Variants in GSDMC observed in about 807,000 individuals in gnomAD.
GSDMC encodes gasdermin-C.
In GSDMC, 59 loss-of-function variants were observed where a neutral mutation model predicts 58.0. The ratio of observed to expected loss-of-function variants is 1.02; its 90% confidence interval spans 0.82 to 1.26. The LOEUF is 1.26. GSDMC is among the 50% of genes most tolerant of loss of function. The pLI, the probability that GSDMC is intolerant of heterozygous loss-of-function variation, is 0.00. For synonymous variants in GSDMC, 241 were observed against 220.2 expected, an observed-to-expected ratio of 1.09 and a Z score of -0.83; for missense variants, 659 against 598.5, an observed-to-expected ratio of 1.10 and a Z score of -1.06.
intron 1 of GSDMC, among the ~76,000 whole-genome samples, chr8:129,783,024 T>G (rs1397950285): frequency 6.6e-6 from 1 of 152,126 alleles, no homozygotes; most frequent in Non-Finnish European, 1.5e-5. Flanking sequence ...CAAGTGGGAT[T>G]TATCCCAGGG....
intron 6 of GSDMC, among the ~76,000 whole-genome samples, chr8:129,755,835 G>A (rs1284071000): frequency 1.3e-5 from 2 of 151,198 alleles, no homozygotes; most frequent in Non-Finnish European, 2.9e-5. Flanking sequence ...GTATTTGTAA[G>A]TCTTACAGTA....
chr8:129,723,119 T>G, the GSDMC span: 1 of 152,268 alleles, frequency 6.6e-6, no homozygotes, highest in Non-Finnish European at 1.5e-5. Flanking sequence ...ACTACCATCG[T>G]GCATGCACAT....
chr8:129,709,220 G>A, the GSDMC span, among the ~76,000 whole-genome samples: 1 of 150,428 alleles, frequency 6.6e-6, no homozygotes, highest in Non-Finnish European at 1.5e-5. Flanking sequence ...GGAGCAATTG[G>A]TTACATTCAG....
the GSDMC span, chr8:129,722,957 A>G: frequency 6.6e-6 from 1 of 152,212 alleles, no homozygotes; most frequent in African/African-American, 2.4e-5. Context: ...AATGTTCACA[A>G]ACAAGAGGGA....
the GSDMC span, among the ~76,000 whole-genome samples, chr8:129,717,250 C>CTTTTTTTTTTTTTTTTTTTTTTT: frequency 8.7e-6 from 1 of 114,686 alleles, no homozygotes; most frequent in Non-Finnish European, 1.7e-5. Flanking sequence ...TGGTCCTGGG[C>CTTTTTTTTTTTTTTTTTTTTTTT]TTTTTTTTTT....
At chr8:129,749,869 T>G in intron 12 of GSDMC, 121 bp downstream of exon 12, 1 of 759,914 alleles carries the variant, frequency 1.3e-6, no homozygotes, top group Non-Finnish European at 2.1e-6. Context: ...AGAGCTGTGA[T>G]GTAAGGACGA....
the GSDMC span, among the ~76,000 whole-genome samples, chr8:129,715,896 A>G: frequency 6.6e-6 from 1 of 152,200 alleles, no homozygotes; most frequent in Non-Finnish European, 1.5e-5. Flanking sequence ...ATATGTCAAA[A>G]ATATCATAAG....
chr8:129,720,957 A>T, the GSDMC span, among the ~76,000 whole-genome samples: 18 of 152,368 alleles, frequency 1.2e-4, no homozygotes, highest in Admixed American at 7.8e-4. Flanking sequence ...ATGGACAGGC[A>T]GAGAAGATGG....
In GSDMC at chr8:129,777,611, G is replaced by C; in HGVS notation, c.-4-20C>G. 1 of 1,298,482 alleles carries C rather than the reference G, an allele frequency of 7.7e-7. No homozygotes were observed. Among genetic ancestry groups the C allele is most frequent in the Non-Finnish European group, 1.1e-6 (1 of 898,748 alleles). The allele number at this position is 1,298,482 out of a possible 1,614,324, so 80.4% of individuals were successfully genotyped here. A position where few individuals can be genotyped will look rare whatever the true frequency, so the allele number is the denominator to read the frequency against. On this transcript the variant is annotated intron_variant, in intron 1 of 13. Coordinates refer to ENST00000276708, the MANE Select transcript of GSDMC (RefSeq NM_031415.3). Reference sequence around the variant, plus strand: ...ATGTTGCTAGGAGGAGATGAAAGGAGAGCATCAGTTGGGAGAGGAAGAAAA... The same window carrying C: ...ATGTTGCTAGGAGGAGATGAAAGGACAGCATCAGTTGGGAGAGGAAGAAAA...
the GSDMC span, among the ~76,000 whole-genome samples, chr8:129,725,772 G>A: frequency 1.7e-4 from 26 of 152,074 alleles, no homozygotes; most frequent in African/African-American, 6.0e-4. Context: ...CCAATGCGCT[G>A]GGGAAAATGA....
intron 6 of GSDMC, among the ~76,000 whole-genome samples, chr8:129,755,971 C>A (rs1242790671): frequency 6.8e-6 from 1 of 148,090 alleles, no homozygotes. Flanking sequence ...AAAACAATAA[C>A]AAAATGGCAG....
chr8:129,757,957 A>T (rs891009812), intron 6 of GSDMC, among the ~76,000 whole-genome samples: 1 of 152,136 alleles, frequency 6.6e-6, no homozygotes, highest in Non-Finnish European at 1.5e-5. Context: ...TGCCACTACC[A>T]CTACAGCCTG....
chr8:129,751,625 A>C, intron 9 of GSDMC, 57 bp from the exon 10 acceptor site: 1 of 1,557,724 alleles, frequency 6.4e-7, no homozygotes, highest in Non-Finnish European at 8.8e-7. Flanking sequence ...TTTGCTTTTC[A>C]GATGTTTTGG....
At chr8:129,764,085 A>G (rs1167592548) in intron 4 of GSDMC, among the ~76,000 whole-genome samples, 1 of 152,212 alleles carries the variant, frequency 6.6e-6, no homozygotes, top group Non-Finnish European at 1.5e-5. Flanking sequence ...AAAGAGGATC[A>G]AGTATTTCTT....
chr8:129,718,497 A>G, the GSDMC span, among the ~76,000 whole-genome samples: 1 of 152,212 alleles, frequency 6.6e-6, no homozygotes, highest in African/African-American at 2.4e-5. Flanking sequence ...ATCTCACACC[A>G]GGTAGAACGG....
At position 129,748,658 on chromosome 8, in the gene GSDMC, T is replaced by C; in HGVS notation, c.1370A>G (p.Gln457Arg). Residue 457 changes from glutamine (Q) to arginine (R), a missense_variant, in exon 14 of 14, where the codon CAG becomes CGG. Physicochemically the swap from Gln to Arg is conservative, Grantham distance 43 (BLOSUM62 1). Transcript: ENST00000276708. ...ATAGGTGATGGCCAAACCCTCACTC[T>C]GGAGTGGGGCGAGGAGCTCAGGTTT... ...TLKPELLAPLQSEGLAITYGL... is the reference protein window; with the variant it reads ...TLKPELLAPLRSEGLAITYGL... The C allele has an allele frequency of 6.2e-7, 1 of 1,610,088 alleles. No individual in the cohort carries two copies. Among genetic ancestry groups the C allele is most frequent in the Non-Finnish European group, 8.5e-7 (1 of 1,178,264 alleles).
At chr8:129,764,444 G>A (rs1317107569) in intron 4 of GSDMC, among the ~76,000 whole-genome samples, 1 of 152,156 alleles carries the variant, frequency 6.6e-6, no homozygotes, top group Non-Finnish European at 1.5e-5. Flanking sequence ...AGCTGAATGG[G>A]GAAAGGGGCT....
rs377087931 is a variant in GSDMC at position 129,776,095 on chromosome 8, G to A, written c.404+7C>T. Reference sequence around the variant, plus strand: ...TGATCCATCCCCTTCCTCTCCCATGGCCTCACCTTTTTTGAAAGTCTTCCA... The same window carrying A: ...TGATCCATCCCCTTCCTCTCCCATGACCTCACCTTTTTTGAAAGTCTTCCA... On this transcript the variant is annotated splice_region_variant and intron_variant, in intron 3 of 13. Transcript: ENST00000276708. 22 of 1,609,186 alleles carry A rather than the reference G, an allele frequency of 1.4e-5. No homozygotes were observed. The African/African-American group carries it at 2.0e-4, about 15-fold the overall frequency.
Position 129,748,570 on chromosome 8 carries a change from T to C in GSDMC, c.1458A>G (p.Val486=). The part of the protein sequence containing the change: ...ELDNPRSTWD[V]EAKMPLSALY... ...GGGCAGACAGGGGCATCTTTGCTTC[T>C]ACATCCCAGGTTGACCTGGGGTTAT... Residue 486 remains valine (V), a synonymous_variant, in exon 14 of 14, where the codon GTA becomes GTG. Coordinates refer to ENST00000276708, the MANE Select transcript of GSDMC (RefSeq NM_031415.3). The C allele has an allele frequency of 6.2e-7, 1 of 1,613,820 alleles. No homozygotes were observed. The highest frequency in any genetic ancestry group is 1.1e-5 in the South Asian group (1 of 91,022).
Sources: allele counts gnomAD v4.1 joint callset (sites outside exome capture counted in the v4.1 genomes callset), GRCh38; gene constraint gnomAD v4.1.1; transcripts MANE v1.5; gene names NCBI Gene and HGNC (gene_info 2026-07-23, HGNC 2026-07-21).